The following ITGA1 variants were observed in gnomAD, a reference collection of about 807,000 sequenced individuals.
ITGA1 encodes the protein integrin subunit alpha 1.
A neutral mutation model predicts 145.9 loss-of-function variants in ITGA1; 85 were observed. The ratio of observed to expected loss-of-function variants is 0.58; its 90% CI spans 0.49 to 0.70. ITGA1 has a LOEUF of 0.70. Among genes scored for constraint, ITGA1 ranks in the 30% least tolerant of loss-of-function variants. The pLI is 0.00. For synonymous variants in ITGA1, 520 were observed against 495.3 expected, an observed-to-expected ratio of 1.05 and a Z score of -0.66; for missense variants, 1,351 against 1,418.7, an observed-to-expected ratio of 0.95 and a Z score of 0.77.
chr5:52,788,335 C>A lies in ITGA1; in HGVS notation c.-19C>A. 6.7e-7 allele frequency: 1 copy of A among 1,496,822 alleles called. No individual in the cohort carries two copies. Among genetic ancestry groups the A allele is most frequent in the Non-Finnish European group, 8.9e-7 (1 of 1,128,706 alleles). The allele number at this position is 1,496,822 out of a possible 1,614,324, so 92.7% of individuals were successfully genotyped here. On this transcript the variant is annotated 5_prime_UTR_variant, in exon 1 of 29. Coordinates refer to ENST00000282588, the MANE Select transcript of ITGA1 (RefSeq NM_181501.2). ...CCTGCGAACCAGCGCGGCCCCCTGGCGCTGAGGCTGCTCCGGCCATGGCCC... is the reference window on the plus strand; with the variant it reads ...CCTGCGAACCAGCGCGGCCCCCTGGAGCTGAGGCTGCTCCGGCCATGGCCC...
chr5:52,900,459 C>T (rs1184813818), intron 11 of ITGA1, among the ~76,000 whole-genome samples: 3 of 152,032 alleles, frequency 2.0e-5, no homozygotes, highest in Non-Finnish European at 4.4e-5. Context: ...TTAAGAATGC[C>T]AAGTGAACAA....
At chr5:52,885,007 A>G (rs1380936429) in intron 7 of ITGA1, among the ~76,000 whole-genome samples, 1 of 152,180 alleles carries the variant, frequency 6.6e-6, no homozygotes, top group Admixed American at 6.5e-5. Context: ...GGGTTTGATT[A>G]TATGCTAGAG....
chr5:52,858,471 C>G (rs1414060961), intron 2 of ITGA1, among the ~76,000 whole-genome samples: 1 of 152,142 alleles, frequency 6.6e-6, no homozygotes, highest in Non-Finnish European at 1.5e-5. Context: ...TATAAGCAAA[C>G]TAAAAATTGT....
At position 52,800,636 on chromosome 5, in the gene ITGA1, T is replaced by C; in HGVS notation, c.61+12222T>C. On this transcript the variant is annotated intron_variant, in intron 1 of 28. Coordinates refer to ENST00000282588, the MANE Select transcript of ITGA1 (RefSeq NM_181501.2). ...GACTTCGACTCTCAAGCCTGCCAGC[T>C]GCGGGTTAAGGGGACCAACATCCAA... 1 of 1,614,114 alleles carries C rather than the reference T, an allele frequency of 6.2e-7. No individual in the cohort carries two copies. The highest frequency in any genetic ancestry group is 1.1e-5 in the South Asian group (1 of 91,084).
At chr5:52,832,777 G>T (rs1398486158) in intron 1 of ITGA1, among the ~76,000 whole-genome samples, 1 of 109,626 alleles carries the variant, frequency 9.1e-6, no homozygotes, top group East Asian at 2.7e-4. Context: ...GTGTGTGTGT[G>T]TGTGTGTGTG....
intron 24 of ITGA1, 109 bp downstream of exon 24, chr5:52,937,623 C>T (rs969231750): frequency 2.8e-6 from 2 of 710,650 alleles, no homozygotes. Flanking sequence ...ACCAAAGTAA[C>T]ATGGAGAGGT....
chr5:52,802,818 A>G (rs1395346732), intron 1 of ITGA1: 3 of 152,236 alleles, frequency 2.0e-5, no homozygotes, highest in Non-Finnish European at 4.4e-5. Context: ...TTTAAGTCAC[A>G]TGACTAGTAT....
intron 1 of ITGA1, chr5:52,824,571 A>G (rs1255282491): frequency 6.6e-6 from 1 of 152,210 alleles, no homozygotes; most frequent in Non-Finnish European, 1.5e-5. Flanking sequence ...GATTACAAGC[A>G]TGAGCCACTG....
intron 1 of ITGA1, among the ~76,000 whole-genome samples, chr5:52,794,276 AGTTAAGATG>A (rs1748296575): frequency 7.1e-6 from 1 of 141,608 alleles, no homozygotes; most frequent in Non-Finnish European, 1.6e-5. Flanking sequence ...AAACATCAAT[AGTTAAGATG>A]GTTTATATAT....
Position 52,925,395 on chromosome 5 carries a change from G to C in ITGA1, c.2521G>C (p.Val841Leu). The change falls in exon 19 of 29, where the codon GTT becomes CTT. Residue 841 changes from valine to leucine, a missense_variant. By Grantham distance (32) the Val-to-Leu change is conservative (BLOSUM62 1). Coordinates refer to ENST00000282588, the MANE Select transcript of ITGA1 (RefSeq NM_181501.2). ...IVRSQNDKFN[V>L]SLTVKNTKDS... ...CCGATCCCAGAATGATAAGTTCAAC[G>C]TTAGCCTCACAGTCAAAAATACAAA... The C allele has an allele frequency of 6.2e-7, 1 of 1,614,030 alleles. No individual in the cohort carries two copies. Among genetic ancestry groups the C allele is most frequent in the Non-Finnish European group, 8.5e-7 (1 of 1,179,886 alleles).
chr5:52,938,504 TCCTAAGGGC>T (rs1426957125), intron 24 of ITGA1, among the ~76,000 whole-genome samples: 5 of 152,188 alleles, frequency 3.3e-5, no homozygotes, highest in Admixed American at 2.0e-4. Flanking sequence ...TTAAATGTTT[TCCTAAGGGC>T]AAGGAAAAAA....
At chr5:52,801,123 A>G (rs1256249350) in intron 1 of ITGA1, 5 of 1,592,784 alleles carry the variant, frequency 3.1e-6, no homozygotes, top group Admixed American at 1.7e-5. Context: ...TTCTTCAGGT[A>G]AAACAATCTT....
chr5:52,872,621 C>G (rs945787711), intron 6 of ITGA1, among the ~76,000 whole-genome samples: 1 of 123,256 alleles, frequency 8.1e-6, no homozygotes, highest in Non-Finnish European at 1.6e-5. Flanking sequence ...AGTTTTGCTC[C>G]GATCTCAGCT....
chr5:52,842,958 C>A (rs1749279898), intron 1 of ITGA1, among the ~76,000 whole-genome samples: 1 of 152,084 alleles, frequency 6.6e-6, no homozygotes, highest in African/African-American at 2.4e-5. Context: ...TCCCAAAGTG[C>A]TGGGATTTCA....
chr5:52,910,849 G>C (rs932203663), intron 14 of ITGA1, among the ~76,000 whole-genome samples: 7 of 140,798 alleles, frequency 5.0e-5, no homozygotes, highest in Non-Finnish European at 1.1e-4. Context: ...TATATATAGT[G>C]TATATATACA....
intron 1 of ITGA1, among the ~76,000 whole-genome samples, chr5:52,847,525 C>G (rs1251296502): frequency 6.6e-6 from 1 of 151,406 alleles, no homozygotes; most frequent in Non-Finnish European, 1.5e-5. Context: ...TTTTATAAGA[C>G]AGTGCTCTTT....
intron 28 of ITGA1, among the ~76,000 whole-genome samples, chr5:52,949,160 T>C (rs1751179823): frequency 6.6e-6 from 1 of 152,136 alleles, no homozygotes; most frequent in African/African-American, 2.4e-5. Context: ...CAATCAGAAC[T>C]GTGATTCTAA....
chr5:52,927,744 A>G (rs1750833721), intron 20 of ITGA1, 80 bp downstream of exon 20: 12 of 926,410 alleles, frequency 1.3e-5, no homozygotes, highest in Non-Finnish European at 2.1e-5. Context: ...AAATCCTTCC[A>G]ATGGTAGTTT....
At chr5:52,866,546 T>C (rs1749691098) in intron 6 of ITGA1, among the ~76,000 whole-genome samples, 1 of 152,164 alleles carries the variant, frequency 6.6e-6, no homozygotes, top group Non-Finnish European at 1.5e-5. Flanking sequence ...TACAAATAAG[T>C]TAGTAACTGA....
Sources: allele counts gnomAD v4.1 joint callset (sites outside exome capture counted in the v4.1 genomes callset), GRCh38; gene constraint gnomAD v4.1.1; transcripts MANE v1.5; gene names NCBI Gene and HGNC (gene_info 2026-07-23, HGNC 2026-07-21).